NRXN1: variants seen among roughly 807,000 people sequenced by gnomAD.
The protein encoded by NRXN1 is neurexin 1.
In NRXN1, 39 loss-of-function variants were observed where a neutral mutation model predicts 150.9. That is an observed-to-expected ratio of 0.26 (90% confidence interval 0.20 to 0.34). NRXN1 has a LOEUF of 0.34. NRXN1 is among the 10% of genes least tolerant of loss of function. NRXN1 has a pLI of 1.00. For synonymous variants in NRXN1, 924 were observed against 757.0 expected (o/e 1.22, Z -3.62); for missense variants, 1,815 against 1,949.9 (o/e 0.93, Z 1.30).
At chr2:50,821,664 T>G (rs1236735697) in intron 5 of NRXN1, among the ~76,000 whole-genome samples, 1 of 152,160 alleles carries the variant, frequency 6.6e-6, no homozygotes, top group Non-Finnish European at 1.5e-5. Flanking sequence ...GATAAAATGA[T>G]GTACTGAATT....
chr2:50,945,391 G>C (rs1450281782), intron 2 of NRXN1, among the ~76,000 whole-genome samples: 1 of 152,108 alleles, frequency 6.6e-6, no homozygotes, highest in African/African-American at 2.4e-5. Flanking sequence ...TTGAGCCCAA[G>C]AGGTGGAGGA....
chr2:50,253,103 G>C (rs1017192042), intron 17 of NRXN1, among the ~76,000 whole-genome samples: 1 of 152,056 alleles, frequency 6.6e-6, no homozygotes, highest in South Asian at 2.1e-4. Flanking sequence ...ATGGTTTGTA[G>C]TTCCCCTTGA....
chr2:50,361,116 G>A (rs1000974065), intron 17 of NRXN1, among the ~76,000 whole-genome samples: 2 of 152,188 alleles, frequency 1.3e-5, no homozygotes, highest in Non-Finnish European at 2.9e-5. Context: ...CTAAAGCAGT[G>A]TTTACAGGGA....
intron 5 of NRXN1, among the ~76,000 whole-genome samples, chr2:50,895,087 C>G (rs1007747739): frequency 6.6e-6 from 1 of 152,096 alleles, no homozygotes; most frequent in Non-Finnish European, 1.5e-5. Context: ...TGAATTGCCA[C>G]AAGAATAAAT....
intron 18 of NRXN1, among the ~76,000 whole-genome samples, chr2:50,202,439 G>A (rs2062242471): frequency 6.6e-6 from 1 of 152,098 alleles, no homozygotes; most frequent in Non-Finnish European, 1.5e-5. Context: ...ATGGGAGGTG[G>A]AGCTTGCAGT....
At chr2:50,645,258 C>T (rs1420179338) in intron 5 of NRXN1, among the ~76,000 whole-genome samples, 1 of 151,730 alleles carries the variant, frequency 6.6e-6, no homozygotes, top group African/African-American at 2.4e-5. Flanking sequence ...AAATGTGATT[C>T]AAAATAGATA....
intron 5 of NRXN1, among the ~76,000 whole-genome samples, chr2:50,809,861 C>T (rs978973027): frequency 1.3e-5 from 2 of 152,144 alleles, no homozygotes; most frequent in African/African-American, 4.8e-5. Flanking sequence ...AAGGAGAAAT[C>T]ATCTACTAAA....
intron 17 of NRXN1, among the ~76,000 whole-genome samples, chr2:50,367,812 TG>T (rs1474700948): frequency 1.3e-5 from 2 of 152,062 alleles, no homozygotes; most frequent in African/African-American, 4.8e-5. Flanking sequence ...ACCACCTATT[TG>T]GCAAATGCTG....
intron 5 of NRXN1, among the ~76,000 whole-genome samples, chr2:50,778,913 T>G (rs1031298309): frequency 4.6e-5 from 7 of 152,146 alleles, no homozygotes; most frequent in African/African-American, 7.2e-5. Flanking sequence ...AAATTAAAAA[T>G]AAATTAAAAT....
At position 50,921,880 on chromosome 2, in the gene NRXN1, C is replaced by A. The variant is rs1265096743; in HGVS notation, c.821G>T (p.Gly274Val). ...GLAHLMMGDQ[G>V]KSKGKEEYIA... ...AAATAATGTAATACCTTTACTTTTA[C>A]CTATGGATTTGATGAAATGGGTCCA... Residue 274 changes from glycine to valine, a missense_variant and splice_region_variant, in exon 5 of 23, where the codon GGT (glycine) becomes GTT (valine). This residue lies in a region of NRXN1 where 554 missense variants were observed against 478.8 expected (regional missense o/e 1.16). Transcript: ENST00000401669. The A allele has an allele frequency of 7.1e-7, 1 of 1,402,200 alleles. No individual in the cohort carries two copies. The highest frequency in any genetic ancestry group is 1.5e-5 in the South Asian group (1 of 65,594). The allele number at this position is 1,402,200 out of a possible 1,614,324, so 86.9% of individuals were successfully genotyped here. A position where few individuals can be genotyped will look rare whatever the true frequency, so the allele number is the denominator to read the frequency against.
intron 2 of NRXN1, among the ~76,000 whole-genome samples, chr2:50,967,469 T>A (rs1422187254): frequency 6.6e-6 from 1 of 152,020 alleles, no homozygotes; most frequent in Non-Finnish European, 1.5e-5. Context: ...ATATAATATT[T>A]CTTATTTAAA....
At chr2:50,417,913 T>G (rs113579106) in intron 17 of NRXN1, among the ~76,000 whole-genome samples, 8,803 of 151,978 alleles carry the variant, frequency 0.058, 338 homozygotes, top group Non-Finnish European at 0.082. Context: ...ATAAGAAGGC[T>G]AAAATATCAC....
At chr2:50,448,359 C>T (rs1165703892) in intron 17 of NRXN1, among the ~76,000 whole-genome samples, 1 of 152,122 alleles carries the variant, frequency 6.6e-6, no homozygotes, top group African/African-American at 2.4e-5. Flanking sequence ...CCAAACCTGA[C>T]TCCATTGTAT....
chr2:50,349,554 C>G (rs78144365), intron 17 of NRXN1, among the ~76,000 whole-genome samples: 2,219 of 152,302 alleles, frequency 0.015, 54 homozygotes, highest in African/African-American at 0.048. Flanking sequence ...GAAATCCGTA[C>G]TGCATTTTTG....
At chr2:50,148,940 G>A (rs994776423) in intron 18 of NRXN1, among the ~76,000 whole-genome samples, 2 of 151,694 alleles carry the variant, frequency 1.3e-5, no homozygotes, top group African/African-American at 4.8e-5. Context: ...GGGTGCCAGA[G>A]AGGGTTAAAT....
chr2:50,027,506 T>C (rs1688540440), intron 21 of NRXN1, among the ~76,000 whole-genome samples: 1 of 151,658 alleles, frequency 6.6e-6, no homozygotes, highest in South Asian at 2.1e-4. Context: ...GCAGTGGCAC[T>C]CTCATGACTC....
At position 50,509,003 on chromosome 2, in the gene NRXN1, T is replaced by G. The variant is rs948691988; in HGVS notation, c.2375-2386A>C. On this transcript the variant is annotated intron_variant, in intron 12 of 22. Coordinates refer to ENST00000401669, the MANE Select transcript of NRXN1 (RefSeq NM_001330078.2). ...TCATGATTTCCTACTAAAAAAGAAG[T>G]TGGGGGTTGCTGAGTGCTTATTATG... Among the ~76,000 whole-genome samples, 11 of 152,252 alleles carry G rather than the reference T, an allele frequency of 7.2e-5. No individual in the cohort carries two copies. The East Asian group carries it at 1.4e-3, about 19-fold the overall frequency.
chr2:50,911,008 C>T (rs1684436460), intron 5 of NRXN1, among the ~76,000 whole-genome samples: 1 of 151,950 alleles, frequency 6.6e-6, no homozygotes, highest in African/African-American at 2.4e-5. Context: ...TCAAATCCCT[C>T]CTTAAGAACA....
intron 18 of NRXN1, among the ~76,000 whole-genome samples, chr2:50,135,726 C>T (rs930501194): frequency 3.3e-5 from 5 of 151,358 alleles, no homozygotes; most frequent in Admixed American, 3.3e-4. Context: ...CAAAACAAAA[C>T]AAAAAAAGAA....
Sources: gnomAD v4.1 joint callset for allele counts (sites outside exome capture counted in the v4.1 genomes callset) on GRCh38, gnomAD v4.1.1 for gene constraint, gnomAD v4.1.1 regional missense constraint, MANE v1.5 for transcripts, NCBI Gene and HGNC (gene_info 2026-07-23, HGNC 2026-07-21) for gene names.